Variants in MYO18B observed in about 807,000 individuals in gnomAD.
MYO18B encodes myosin XVIIIB.
Under a neutral mutation model 273.0 loss-of-function variants are expected in MYO18B, and 204 were observed. That is an observed-to-expected ratio of 0.75 (90% CI 0.67 to 0.84). The LOEUF is 0.84. Ranked by LOEUF, MYO18B falls within the 40% of genes least tolerant of loss-of-function variation. The probability of loss-of-function intolerance (pLI) is 0.00; values close to 1 mark genes in which losing one functional copy is unlikely to be tolerated. For missense variants in MYO18B, 3,212 were observed against 3,287.6 expected, an observed-to-expected ratio of 0.98 and a Z score of 0.56; for synonymous variants, 1,330 against 1,305.7, an observed-to-expected ratio of 1.02 and a Z score of -0.40.
At chr22:25,850,454 C>T (rs1239695920) in intron 20 of MYO18B, among the ~76,000 whole-genome samples, 2 of 152,108 alleles carry the variant, frequency 1.3e-5, no homozygotes, top group Non-Finnish European at 2.9e-5. Context: ...CTCAATTTCC[C>T]CTTTTGTAAA....
intron 21 of MYO18B, among the ~76,000 whole-genome samples, chr22:25,857,467 C>T (rs972078736): frequency 2.1e-5 from 3 of 141,232 alleles, no homozygotes; most frequent in Non-Finnish European, 3.1e-5. Context: ...CTCCCAGTTT[C>T]CTGTGAATTC....
intron 39 of MYO18B, among the ~76,000 whole-genome samples, chr22:25,975,562 C>T (rs1201916325): frequency 2.0e-5 from 3 of 152,228 alleles, no homozygotes; most frequent in African/African-American, 7.2e-5. Context: ...CTATTTTACA[C>T]ATTTAACAAA....
At position 25,962,418 on chromosome 22, in the gene MYO18B, G is replaced by C. The variant is rs986360363; in HGVS notation, c.6156+7054G>C. ...GGTATAGGGTAGATGCTCAGTAATTGCTTGCTGAATAATTTTCTCAGCATT... is the reference window on the plus strand; with the variant it reads ...GGTATAGGGTAGATGCTCAGTAATTCCTTGCTGAATAATTTTCTCAGCATT... On this transcript the variant is annotated intron_variant, in intron 39 of 43. Coordinates refer to ENST00000335473, the MANE Select transcript of MYO18B (RefSeq NM_032608.7). 5.3e-5 allele frequency among the ~76,000 whole-genome samples: 8 copies of C among 152,240 alleles called. No homozygotes were observed. The East Asian group carries it at 1.5e-3, about 29-fold the overall frequency.
the MYO18B span, among the ~76,000 whole-genome samples, chr22:26,043,515 T>C: frequency 9.4e-5 from 14 of 148,230 alleles, no homozygotes; most frequent in African/African-American, 2.0e-4. Context: ...TTCTTTCTTT[T>C]TTTTTTTTTT....
chr22:25,939,941 T>C (rs1332027604), intron 34 of MYO18B, among the ~76,000 whole-genome samples: 1 of 152,216 alleles, frequency 6.6e-6, no homozygotes, highest in Non-Finnish European at 1.5e-5. Flanking sequence ...CTCGGAGTGC[T>C]ATTCTGAAAG....
chr22:25,768,907 C>A lies in MYO18B; in HGVS notation c.991C>A (p.Pro331Thr), dbSNP rs751990009. The change falls in exon 4 of 44, where the codon CCC becomes ACC. Residue 331 changes from proline (P) to threonine (T), a missense_variant. By Grantham distance (38) the Pro-to-Thr change is conservative. Coordinates refer to ENST00000335473, the MANE Select transcript of MYO18B (RefSeq NM_032608.7). ...GGGAAGAAGGAGTAAGTGGGACGGTCCCCAGAATAAGAAGGACAAAGAAGG... is the reference window on the plus strand; with the variant it reads ...GGGAAGAAGGAGTAAGTGGGACGGTACCCAGAATAAGAAGGACAAAGAAGG... ...FLGRRSKWDG[P>T]QNKKDKEGVL... 10 of 1,612,596 alleles carry A rather than the reference C, an allele frequency of 6.2e-6. No individual in the cohort carries two copies. The Admixed American group carries it at 1.2e-4, about 19-fold the overall frequency.
intron 42 of MYO18B, among the ~76,000 whole-genome samples, chr22:26,005,298 T>A (rs574029978): frequency 1.2e-4 from 19 of 152,360 alleles, no homozygotes; most frequent in African/African-American, 4.6e-4. Flanking sequence ...TTAAGCTTTT[T>A]TAATGGAAAG....
intron 25 of MYO18B, chr22:25,884,946 A>C (rs1490730887): frequency 6.6e-6 from 1 of 152,144 alleles, no homozygotes; most frequent in Admixed American, 6.6e-5. Flanking sequence ...AAGCCACATC[A>C]CCACTATTAC....
At chr22:26,028,970 C>T (rs1197469896) in intron 43 of MYO18B, among the ~76,000 whole-genome samples, 1 of 151,824 alleles carries the variant, frequency 6.6e-6, no homozygotes, top group Non-Finnish European at 1.5e-5. Flanking sequence ...ATTTAGTACT[C>T]CTGATATCCC....
chr22:25,837,838 C>T (rs773065332), intron 17 of MYO18B, among the ~76,000 whole-genome samples: 53 of 152,116 alleles, frequency 3.5e-4, no homozygotes, highest in South Asian at 6.2e-4. Context: ...GCACAGTGCC[C>T]GGTGTTCTGG....
intron 39 of MYO18B, among the ~76,000 whole-genome samples, chr22:25,991,966 T>C (rs1476678411): frequency 1.3e-5 from 2 of 152,224 alleles, no homozygotes; most frequent in African/African-American, 4.8e-5. Flanking sequence ...AGATTTATCC[T>C]TGAGGCTCAG....
At chr22:25,963,849 A>G (rs2092947452) in intron 39 of MYO18B, 1 of 151,942 alleles carries the variant, frequency 6.6e-6, no homozygotes. Context: ...CACCTAATAG[A>G]TGGTACTTTA....
In MYO18B at chr22:25,843,730, T is replaced by G. The variant is rs1274295124; in HGVS notation, c.3209-5T>G. On this transcript the variant is annotated splice_polypyrimidine_tract_variant and splice_region_variant and intron_variant, in intron 17 of 43. Transcript: ENST00000335473. ...CAGCACTCATGCCACCATGTCTGTT[T>G]CCAGGGTCCTCTGCCCTGCGGACCT... 1 of 1,610,618 alleles carries G rather than the reference T, an allele frequency of 6.2e-7. No homozygotes were observed. The highest frequency in any genetic ancestry group is 1.7e-5 in the Admixed American group (1 of 59,866).
At chr22:25,818,604 A>C (rs899159125) in intron 12 of MYO18B, among the ~76,000 whole-genome samples, 4 of 152,126 alleles carry the variant, frequency 2.6e-5, no homozygotes, top group Non-Finnish European at 5.9e-5. Context: ...CTGGGGTGTG[A>C]CCCACATCCC....
chr22:26,060,839 CAAT>C, the MYO18B span, among the ~76,000 whole-genome samples: 1 of 114,502 alleles, frequency 8.7e-6, no homozygotes, highest in South Asian at 2.5e-4. Flanking sequence ...TACATATACA[CAAT>C]ATACACATAT....
chr22:25,817,950 G>A (rs866754278), intron 12 of MYO18B, among the ~76,000 whole-genome samples: 3 of 152,180 alleles, frequency 2.0e-5, no homozygotes, highest in African/African-American at 4.8e-5. Flanking sequence ...CTCCAGGAGG[G>A]CAGTGAGGAA....
At chr22:26,058,964 AT>A in the MYO18B span, among the ~76,000 whole-genome samples, 800 of 152,316 alleles carry the variant, frequency 5.3e-3, 5 homozygotes, top group African/African-American at 0.016. Context: ...AAAAGTATTA[AT>A]TTGTTGCATA....
chr22:25,907,130 G>A (rs1480682535), intron 31 of MYO18B, among the ~76,000 whole-genome samples: 1 of 152,234 alleles, frequency 6.6e-6, no homozygotes, highest in African/African-American at 2.4e-5. Flanking sequence ...GTGAAGCCCT[G>A]CAATTTGTAT....
At chr22:26,055,175 T>C in the MYO18B span, among the ~76,000 whole-genome samples, 1 of 152,314 alleles carries the variant, frequency 6.6e-6, no homozygotes, top group South Asian at 2.1e-4. Flanking sequence ...GTGTTTTTTC[T>C]CTTTAAAACA....
Sources: allele counts gnomAD v4.1 joint callset (sites outside exome capture counted in the v4.1 genomes callset), GRCh38; gene constraint gnomAD v4.1.1; transcripts MANE v1.5; gene names NCBI Gene and HGNC (gene_info 2026-07-23, HGNC 2026-07-21).